Variants in PCBP2 observed in about 807,000 individuals in gnomAD.
PCBP2 encodes poly(rC) binding protein 2, also known as poly(rC)-binding protein 2.
In PCBP2, 4 loss-of-function variants were observed where a neutral mutation model predicts 50.1. The observed-to-expected ratio is 0.08, with a 90% confidence interval of 0.04 to 0.18. PCBP2 has a LOEUF of 0.18. Ranked by LOEUF, PCBP2 falls within the 10% of genes least tolerant of loss-of-function variation. The pLI is 1.00. For missense variants in PCBP2, 161 were observed against 474.3 expected, an observed-to-expected ratio of 0.34 and a Z score of 6.14; for synonymous variants, 179 against 168.0, an observed-to-expected ratio of 1.07 and a Z score of -0.51.
intron 8 of PCBP2, 81 bp from the exon 9 acceptor site, chr12:53,464,679 C>T: frequency 5.2e-6 from 8 of 1,543,888 alleles, no homozygotes; most frequent in Non-Finnish European, 7.0e-6. Flanking sequence ...AAATAAACAA[C>T]TTTTTTTGTG....
chr12:53,471,670 C>T lies in PCBP2; in HGVS notation c.915C>T (p.Ala305=). The change falls in exon 14 of 15, where the codon GCC becomes GCT. Residue 305 remains alanine, a synonymous_variant. Transcript: ENST00000546463. The part of the protein sequence containing the change: ...LIGCIIGRQG[A]KINEIRQMSG... ...GCTGCATAATCGGGCGTCAAGGCGC[C>T]AAAATCAATGAGATCCGTCAGATGT... 6.2e-7 allele frequency: 1 copy of T among 1,613,340 alleles called. No homozygotes were observed.
chr12:53,465,934 C>G lies in PCBP2; in HGVS notation c.675C>G (p.Ala225=). 1.2e-6 allele frequency: 2 copies of G among 1,612,882 alleles called. No individual in the cohort carries two copies. Among genetic ancestry groups the G allele is most frequent in the Non-Finnish European group, 1.7e-6 (2 of 1,178,966 alleles). Residue 225 remains alanine, a splice_region_variant and synonymous_variant, in exon 10 of 15, where the codon GCC becomes GCG. Coordinates refer to ENST00000546463, the MANE Select transcript of PCBP2 (RefSeq NM_031989.5). Reference sequence around the variant, plus strand: ...GAACTGTTTTCCTCCTTTTGTAGGCCTATACCATTCAAGGACAGTATGCCA... The same window carrying G: ...GAACTGTTTTCCTCCTTTTGTAGGCGTATACCATTCAAGGACAGTATGCCA... ...NPDLEGPPLE[A]YTIQGQYAIP... is the part of the protein sequence containing the mutation.
intron 4 of PCBP2, 52 bp from the exon 5 acceptor site, chr12:53,455,833 A>G (rs887495605): frequency 5.0e-6 from 6 of 1,205,124 alleles, no homozygotes; most frequent in East Asian, 4.7e-5. Context: ...GATCCTGTAC[A>G]TACTCAGATC....
chr12:53,459,530 A>G (rs1941289310), intron 6 of PCBP2, 127 bp downstream of exon 6: 1 of 667,840 alleles, frequency 1.5e-6, no homozygotes, highest in Non-Finnish European at 2.4e-6. Context: ...GAGGATTACA[A>G]TGTGATTGTA....
chr12:53,471,598 A>C, intron 13 of PCBP2, 40 bp from the exon 14 acceptor site: 2 of 1,567,880 alleles, frequency 1.3e-6, no homozygotes, highest in South Asian at 1.2e-5. Context: ...TAGCCATGCA[A>C]CTCTAATTCG....
intron 5 of PCBP2, among the ~76,000 whole-genome samples, chr12:53,456,483 C>G (rs1210948612): frequency 6.6e-6 from 1 of 150,512 alleles, no homozygotes; most frequent in Non-Finnish European, 1.5e-5. Flanking sequence ...TCACTTGAAT[C>G]ATCAAAACAG....
chr12:53,464,534 C>T, intron 8 of PCBP2: 1 of 510,536 alleles, frequency 2.0e-6, no homozygotes, highest in African/African-American at 2.0e-5. Flanking sequence ...TCTGTTGCCC[C>T]ACCCCTTCAT....
chr12:53,462,586 G>A lies in PCBP2; in HGVS notation c.579+19G>A, dbSNP rs555841185. 2 of 1,596,988 alleles carry A rather than the reference G, an allele frequency of 1.3e-6. No individual in the cohort carries two copies. The highest frequency in any genetic ancestry group is 1.7e-6 in the Non-Finnish European group (2 of 1,165,272). Reference sequence around the variant, plus strand: ...TGGTCAGGTAAGAAAATTCTCATTTGTGGGCTAGAATGAACAGAGATTATA... The same window carrying A: ...TGGTCAGGTAAGAAAATTCTCATTTATGGGCTAGAATGAACAGAGATTATA... On this transcript the variant is annotated intron_variant, in intron 8 of 14. Coordinates refer to ENST00000546463, the MANE Select transcript of PCBP2 (RefSeq NM_031989.5).
intron 14 of PCBP2, among the ~76,000 whole-genome samples, chr12:53,478,243 C>G (rs1942781136): frequency 6.6e-6 from 1 of 152,224 alleles, no homozygotes; most frequent in African/African-American, 2.4e-5. Context: ...GGTGTGGTGG[C>G]TCATGCCTAA....
At position 53,454,816 on chromosome 12, in the gene PCBP2, A is replaced by C; in HGVS notation, c.16A>C (p.Ile6Leu). The C allele has an allele frequency of 1.9e-6, 3 of 1,614,104 alleles. No homozygotes were observed. The highest frequency in any genetic ancestry group is 1.7e-6 in the Non-Finnish European group (2 of 1,179,972). The change falls in exon 2 of 15, where the codon ATT becomes CTT. Residue 6 changes from isoleucine (I) to leucine (L), a missense_variant. Coordinates refer to ENST00000546463, the MANE Select transcript of PCBP2 (RefSeq NM_031989.5). ...ACTGCTCGACATGGACACCGGTGTG[A>C]TTGAAGGTGGATTAAATGTCACTCT... MDTGV[I>L]EGGLNVTLTI...
intron 9 of PCBP2, 164 bp downstream of exon 9, chr12:53,465,016 C>T (rs897485984): frequency 4.7e-5 from 37 of 785,342 alleles, no homozygotes; most frequent in Middle Eastern, 3.1e-4. Context: ...ACCCAGGCCG[C>T]GTAGCCCACC....
chr12:53,454,579 G>A (rs187516833), intron 1 of PCBP2, 147 bp from the exon 2 acceptor site: 168 of 547,518 alleles, frequency 3.1e-4, no homozygotes, highest in African/African-American at 2.9e-3. Context: ...ATTTTGTCAT[G>A]CAGTTGTGCT....
chr12:53,455,597 A>G (rs1185780611), intron 4 of PCBP2, 104 bp downstream of exon 4: 41 of 1,217,688 alleles, frequency 3.4e-5, no homozygotes, highest in Non-Finnish European at 4.7e-5. Context: ...TAAGGGAAAT[A>G]TGTATTTTTT....
intron 1 of PCBP2, among the ~76,000 whole-genome samples, chr12:53,453,543 A>T (rs1412812410): frequency 6.6e-6 from 1 of 152,188 alleles, no homozygotes; most frequent in Non-Finnish European, 1.5e-5. Flanking sequence ...ACAGACACTT[A>T]AGCACCTAAG....
intron 6 of PCBP2, 150 bp from the exon 7 acceptor site, chr12:53,460,865 G>A: frequency 5.2e-6 from 4 of 768,908 alleles, no homozygotes; most frequent in South Asian, 1.8e-5. Flanking sequence ...GTCCTATCTG[G>A]AATAAGGGAA....
At chr12:53,454,363 A>C (rs1408880335) in intron 1 of PCBP2, 1 of 157,948 alleles carries the variant, frequency 6.3e-6, no homozygotes, top group East Asian at 1.9e-4. Flanking sequence ...CTGTAGTTGG[A>C]GATTTGCACT....
intron 14 of PCBP2, among the ~76,000 whole-genome samples, chr12:53,477,538 C>T (rs186927158): frequency 1.1e-3 from 163 of 151,644 alleles, no homozygotes; most frequent in Non-Finnish European, 1.9e-3. Flanking sequence ...TGGTGGTGGG[C>T]GCCTGTAGTC....
intron 5 of PCBP2, among the ~76,000 whole-genome samples, chr12:53,457,600 C>T (rs988798739): frequency 2.6e-5 from 4 of 152,128 alleles, no homozygotes; most frequent in African/African-American, 9.7e-5. Flanking sequence ...CCTGTCTCAG[C>T]CTCCCAAAGT....
chr12:53,453,201 T>C (rs966012248), intron 1 of PCBP2: 5 of 149,028 alleles, frequency 3.4e-5, no homozygotes, highest in African/African-American at 1.3e-4. Flanking sequence ...ATAGGTTTCC[T>C]GTTTTGTTTT....
Sources: allele counts gnomAD v4.1 joint callset (sites outside exome capture counted in the v4.1 genomes callset), GRCh38; gene constraint gnomAD v4.1.1; transcripts MANE v1.5; gene names NCBI Gene and HGNC (gene_info 2026-07-23, HGNC 2026-07-21).